MICAL2: variants seen among roughly 807,000 people sequenced by gnomAD.
MICAL2 encodes microtubule associated monooxygenase, calponin and LIM domain containing 2, also known as [F-actin]-monooxygenase MICAL2.
Under a neutral mutation model 127.3 loss-of-function variants are expected in MICAL2, and 77 were observed. That is an observed-to-expected ratio of 0.60 (90% CI 0.50 to 0.73). The LOEUF (loss-of-function observed/expected upper bound fraction) is 0.73, where lower values mean the gene tolerates loss of function less well. Ranked by LOEUF, MICAL2 falls within the 30% of genes least tolerant of loss-of-function variation. MICAL2 has a pLI of 0.00. For missense variants in MICAL2, 1,351 were observed against 1,434.4 expected (o/e 0.94, Z 0.94); for synonymous variants, 570 against 551.1 (o/e 1.03, Z -0.48).
At chr11:12,202,372 CAA>C (rs1326836783) in intron 3 of MICAL2, among the ~76,000 whole-genome samples, 1 of 152,202 alleles carries the variant, frequency 6.6e-6, no homozygotes, top group African/African-American at 2.4e-5. Context: ...CTCCCCCTTT[CAA>C]TCTGTAAAAG....
At chr11:12,202,200 A>G (rs1326045717) in intron 3 of MICAL2, among the ~76,000 whole-genome samples, 1 of 152,004 alleles carries the variant, frequency 6.6e-6, no homozygotes, top group African/African-American at 2.4e-5. Context: ...TCTTCTCCCA[A>G]AGTATCCTTC....
intron 32 of MICAL2, among the ~76,000 whole-genome samples, chr11:12,340,334 A>G (rs2088000): frequency 0.21 from 32,556 of 152,150 alleles, 4,464 homozygotes; most frequent in African/African-American, 0.36. Context: ...ACTACAGTAA[A>G]AAACTATGGA....
At chr11:12,355,326 A>G (rs78346337) in intron 34 of MICAL2, among the ~76,000 whole-genome samples, 1 of 152,270 alleles carries the variant, frequency 6.6e-6, no homozygotes, top group East Asian at 1.9e-4. Flanking sequence ...TAGAGCTAGT[A>G]AAGGAAACGT....
intron 3 of MICAL2, among the ~76,000 whole-genome samples, chr11:12,180,921 C>CTTTTTTTTTTTTTTTT (rs56946936): frequency 1.2e-5 from 1 of 82,438 alleles, no homozygotes; most frequent in Non-Finnish European, 2.5e-5. Flanking sequence ...TATTTTCCTT[C>CTTTTTTTTTTTTTTTT]TTTTTTTTTT....
intron 29 of MICAL2, among the ~76,000 whole-genome samples, chr11:12,301,410 T>C (rs1266835167): frequency 6.6e-6 from 1 of 152,220 alleles, no homozygotes; most frequent in African/African-American, 2.4e-5. Flanking sequence ...TTTTTGGGCA[T>C]TGAGGTTGTT....
intron 3 of MICAL2, among the ~76,000 whole-genome samples, chr11:12,198,094 G>T (rs1328337792): frequency 6.6e-6 from 1 of 151,746 alleles, no homozygotes; most frequent in Non-Finnish European, 1.5e-5. Flanking sequence ...GCCCCTACTG[G>T]CCAACCCCCT....
chr11:12,261,832 A>G (rs555339254), intron 26 of MICAL2: 6 of 985,512 alleles, frequency 6.1e-6, no homozygotes, highest in Non-Finnish European at 7.2e-6. Context: ...TGTTTTCTCC[A>G]ATTTTTGCTG....
At chr11:12,244,197 T>C in intron 21 of MICAL2, 85 bp downstream of exon 21, 1 of 1,543,030 alleles carries the variant, frequency 6.5e-7, no homozygotes, top group Non-Finnish European at 8.9e-7. Context: ...ACAAACATCT[T>C]GAGCCTGGCT....
intron 3 of MICAL2, among the ~76,000 whole-genome samples, chr11:12,201,908 T>C (rs1217405473): frequency 6.6e-6 from 1 of 152,094 alleles, no homozygotes; most frequent in Non-Finnish European, 1.5e-5. Flanking sequence ...CACCTGAGGT[T>C]GGGAGTTCAA....
At chr11:12,171,266 C>G (rs1333358901) in intron 3 of MICAL2, among the ~76,000 whole-genome samples, 1 of 152,108 alleles carries the variant, frequency 6.6e-6, no homozygotes, top group East Asian at 1.9e-4. Context: ...CCTGGCCCAC[C>G]CAGGGTTGTA....
At chr11:12,294,053 G>A (rs1423781453), downstream of MICAL2, 9 of 1,614,032 alleles carry the variant, frequency 5.6e-6, no homozygotes, top group Non-Finnish European at 7.6e-6. Context: ...CAAAGCTGGG[G>A]AGCGAATTTC....
intron 2 of MICAL2, among the ~76,000 whole-genome samples, chr11:12,139,699 C>T (rs1474124244): frequency 1.3e-5 from 2 of 152,156 alleles, no homozygotes; most frequent in Non-Finnish European, 2.9e-5. Context: ...ATTGGCCAGT[C>T]TGCCACAGCC....
rs761356636 is a variant in MICAL2, at chr11:12,244,101, C to T, written c.2773C>T (p.Pro925Ser). 1 of 1,614,260 alleles carries T rather than the reference C, an allele frequency of 6.2e-7. No individual in the cohort carries two copies. The highest frequency in any genetic ancestry group is 8.5e-7 in the Non-Finnish European group (1 of 1,180,044). The change falls in exon 21 of 28, where the codon CCT becomes TCT. Residue 925 changes from proline to serine, a missense_variant. This residue lies in a region of MICAL2 where 752 missense variants were observed against 719.4 expected (regional missense o/e 1.05). Transcript: ENST00000683283. ...SSPSTVDSASPARKEKKSPSG... is the reference protein window; with the variant it reads ...SSPSTVDSASSARKEKKSPSG... ...TCCATCAACTGTTGACTCTGCTTCT[C>T]CTGCCAGAAAGGTAGTTGTCCTGAA...
intron 32 of MICAL2, among the ~76,000 whole-genome samples, chr11:12,345,131 A>AAAAAAAAAG (rs1427548449): frequency 4.6e-5 from 7 of 151,020 alleles, no homozygotes; most frequent in African/African-American, 1.5e-4. Context: ...AAAAAAAGAA[A>AAAAAAAAAG]AAAGAAAGAA....
intron 3 of MICAL2, among the ~76,000 whole-genome samples, chr11:12,187,797 G>A (rs1024077374): frequency 5.3e-5 from 8 of 151,822 alleles, no homozygotes; most frequent in African/African-American, 1.7e-4. Context: ...CTGTCTGTGT[G>A]GGTGGGCTTC....
At chr11:12,150,489 C>G (rs1001862898) in intron 2 of MICAL2, among the ~76,000 whole-genome samples, 3 of 152,072 alleles carry the variant, frequency 2.0e-5, no homozygotes, top group Non-Finnish European at 4.4e-5. Flanking sequence ...GGGGGACAGA[C>G]TCCATCAGAT....
chr11:12,126,058 G>A (rs1284778009), intron 1 of MICAL2, among the ~76,000 whole-genome samples: 2 of 152,184 alleles, frequency 1.3e-5, no homozygotes, highest in African/African-American at 4.8e-5. Flanking sequence ...AGGGGACTCA[G>A]GGAGGCCCTC....
chr11:12,293,441 T>A, downstream of MICAL2: 1 of 1,244,092 alleles, frequency 8.0e-7, no homozygotes, highest in Non-Finnish European at 1.1e-6. Flanking sequence ...ATTTTTTAAT[T>A]TGGGCATCTG....
At chr11:12,272,825 G>A (rs1304738242), upstream of MICAL2, among the ~76,000 whole-genome samples, 2 of 149,814 alleles carry the variant, frequency 1.3e-5, no homozygotes, top group Non-Finnish European at 2.9e-5. Flanking sequence ...CCTGCGACAA[G>A]TTCTTTTCAT....
Sources: allele counts gnomAD v4.1 joint callset (sites outside exome capture counted in the v4.1 genomes callset), GRCh38; gene constraint gnomAD v4.1.1; regional missense constraint gnomAD v4.1.1; transcripts MANE v1.5; gene names NCBI Gene and HGNC (gene_info 2026-07-23, HGNC 2026-07-21).